Variants in PCDH9 observed in about 807,000 individuals in gnomAD.
PCDH9 encodes the protein protocadherin-9.
In PCDH9, 24 loss-of-function variants were observed where a neutral mutation model predicts 70.6. The observed-to-expected ratio is 0.34, with a 90% CI of 0.25 to 0.48. The LOEUF is 0.48. PCDH9 is among the 20% of genes least tolerant of loss of function. PCDH9 has a pLI of 0.99. For synonymous variants in PCDH9, 562 were observed against 558.5 expected (o/e 1.01, Z -0.09); for missense variants, 1,281 against 1,503.6 (o/e 0.85, Z 2.45).
intron 3 of PCDH9, among the ~76,000 whole-genome samples, chr13:66,694,140 A>G (rs1050951659): frequency 5.9e-5 from 9 of 152,216 alleles, no homozygotes; most frequent in African/African-American, 2.2e-4. Flanking sequence ...TCTATGGGTG[A>G]CATTGCAACT....
chr13:66,737,463 T>C (rs902145391), intron 3 of PCDH9, among the ~76,000 whole-genome samples: 2 of 152,220 alleles, frequency 1.3e-5, no homozygotes, highest in Non-Finnish European at 1.5e-5. Flanking sequence ...TGAATTAATG[T>C]AAATTAAAAT....
chr13:66,712,625 C>CT (rs1291048329), intron 3 of PCDH9, among the ~76,000 whole-genome samples: 4 of 152,136 alleles, frequency 2.6e-5, no homozygotes, highest in Non-Finnish European at 5.9e-5. Flanking sequence ...CTTTGGATAA[C>CT]TTCCTCTCCA....
chr13:66,713,625 G>GTATATATATATATATATATATATATATA (rs67681559), intron 3 of PCDH9, among the ~76,000 whole-genome samples: 7 of 110,010 alleles, frequency 6.4e-5, no homozygotes, highest in Admixed American at 1.0e-4. Flanking sequence ...GTGTGTGTGT[G>GTATATATATATATATATATATATATATA]TATATATATA....
At chr13:66,550,647 C>T (rs1042168503) in intron 4 of PCDH9, among the ~76,000 whole-genome samples, 1 of 152,026 alleles carries the variant, frequency 6.6e-6, no homozygotes, top group Non-Finnish European at 1.5e-5. Context: ...AGCACAGAGC[C>T]CCATATCAGT....
At chr13:66,994,632 GC>G (rs2084072711) in intron 2 of PCDH9, among the ~76,000 whole-genome samples, 1 of 152,210 alleles carries the variant, frequency 6.6e-6, no homozygotes, top group East Asian at 1.9e-4. Flanking sequence ...ATAGAGCTGA[GC>G]CTGTCCAGAG....
At chr13:67,148,201 CT>C (rs5804311) in intron 2 of PCDH9, among the ~76,000 whole-genome samples, 41,691 of 144,494 alleles carry the variant, frequency 0.29, 5,895 homozygotes, top group Admixed American at 0.3. Context: ...ACCTCCATGT[CT>C]TTTTTTTTTT....
intron 2 of PCDH9, among the ~76,000 whole-genome samples, chr13:67,143,230 A>T (rs1197968456): frequency 6.6e-6 from 1 of 152,108 alleles, no homozygotes; most frequent in Non-Finnish European, 1.5e-5. Context: ...TGTTTTAATA[A>T]CTCATTTTTA....
chr13:66,748,457 G>A (rs4884698), intron 3 of PCDH9, among the ~76,000 whole-genome samples: 42,308 of 151,834 alleles, frequency 0.28, 6,353 homozygotes, highest in East Asian at 0.44. Flanking sequence ...ATATTCAAGT[G>A]TGTATAATTC....
chr13:66,788,648 A>AAT (rs2080115894), intron 3 of PCDH9, among the ~76,000 whole-genome samples: 1 of 81,886 alleles, frequency 1.2e-5, no homozygotes, highest in African/African-American at 5.1e-5. Context: ...CTAAACAGTA[A>AAT]TTTTTTTTTT....
chr13:66,907,008 C>T (rs554106190), intron 2 of PCDH9, among the ~76,000 whole-genome samples: 20 of 152,094 alleles, frequency 1.3e-4, no homozygotes, highest in African/African-American at 4.8e-4. Flanking sequence ...GAGTTTGAGA[C>T]CAGCCTGGTC....
intron 3 of PCDH9, among the ~76,000 whole-genome samples, chr13:66,859,325 T>C (rs2081443893): frequency 6.6e-6 from 1 of 152,216 alleles, no homozygotes; most frequent in Admixed American, 6.5e-5. Flanking sequence ...TTTCCTTTGG[T>C]TGGCATTTCC....
At chr13:66,454,079 C>T (rs1958268159) in intron 4 of PCDH9, among the ~76,000 whole-genome samples, 1 of 151,874 alleles carries the variant, frequency 6.6e-6, no homozygotes, top group Admixed American at 6.6e-5. Flanking sequence ...AGAATCATCA[C>T]ATAGTTTCTG....
chr13:67,151,052 C>A (rs1446729731), intron 2 of PCDH9, among the ~76,000 whole-genome samples: 1 of 152,102 alleles, frequency 6.6e-6, no homozygotes, highest in Non-Finnish European at 1.5e-5. Flanking sequence ...AAATACTGTT[C>A]CCTCTGCCCT....
At chr13:66,896,055 A>T (rs1029741833) in intron 3 of PCDH9, among the ~76,000 whole-genome samples, 1 of 152,206 alleles carries the variant, frequency 6.6e-6, no homozygotes, top group African/African-American at 2.4e-5. Context: ...ACCAACACTG[A>T]CACCATCAGC....
chr13:66,838,415 T>A (rs1053173100), intron 3 of PCDH9, among the ~76,000 whole-genome samples: 1 of 152,020 alleles, frequency 6.6e-6, no homozygotes, highest in Admixed American at 6.6e-5. Flanking sequence ...TGGAAAAAAA[T>A]AAGGTCTGAA....
intron 4 of PCDH9, among the ~76,000 whole-genome samples, chr13:66,576,361 T>C (rs1316297626): frequency 1.3e-5 from 2 of 152,086 alleles, no homozygotes; most frequent in African/African-American, 4.8e-5. Context: ...TTTTTTATAA[T>C]GTCCATAATC....
intron 4 of PCDH9, among the ~76,000 whole-genome samples, chr13:66,354,663 AAAT>A (rs1956349434): frequency 1.3e-5 from 2 of 152,128 alleles, no homozygotes; most frequent in African/African-American, 4.8e-5. Flanking sequence ...TAGACTTATA[AAAT>A]AATAAAAAAA....
At chr13:66,621,805 C>T (rs1318295896) in intron 4 of PCDH9, among the ~76,000 whole-genome samples, 1 of 152,268 alleles carries the variant, frequency 6.6e-6, no homozygotes, top group African/African-American at 2.4e-5. Context: ...ACAGCCCTGG[C>T]TCGCTCTCAG....
intron 4 of PCDH9, among the ~76,000 whole-genome samples, chr13:66,604,142 TC>T (rs1308428416): frequency 6.6e-6 from 1 of 152,034 alleles, no homozygotes; most frequent in Non-Finnish European, 1.5e-5. Flanking sequence ...CTTGCAGATT[TC>T]CCCTTGCTCA....
Sources: allele counts gnomAD v4.1 joint callset (sites outside exome capture counted in the v4.1 genomes callset), GRCh38; gene constraint gnomAD v4.1.1; transcripts MANE v1.5; gene names NCBI Gene and HGNC (gene_info 2026-07-23, HGNC 2026-07-21).